SLC22A23: variants seen among roughly 807,000 people sequenced by gnomAD.
SLC22A23 encodes the protein solute carrier family 22 member 23.
Under a neutral mutation model 61.0 loss-of-function variants are expected in SLC22A23, and 26 were observed. The observed-to-expected ratio is 0.43, with a 90% confidence interval of 0.31 to 0.59. The LOEUF (loss-of-function observed/expected upper bound fraction) is 0.59, where lower values mean the gene tolerates loss of function less well. SLC22A23 is among the 20% of genes least tolerant of loss of function. The pLI is 0.11. For synonymous variants in SLC22A23, 430 were observed against 413.9 expected (o/e 1.04, Z -0.47); for missense variants, 796 against 934.7 (o/e 0.85, Z 1.94).
rs1046780091 is a variant in SLC22A23 at position 3,324,019 on chromosome 6, A to G, written c.914-17T>C. 6.2e-6 allele frequency: 10 copies of G among 1,611,476 alleles called. No individual in the cohort carries two copies. In the Admixed American group the frequency reaches 1.0e-4, roughly 16 times the overall value. ...GCTCTATTCCTAGAACACAGAACCA[A>G]TGAGAGAGAGATGAGTGCCCTGCTC... is the stretch of plus-strand genomic sequence containing the variant. On this transcript the variant is annotated splice_polypyrimidine_tract_variant and intron_variant, in intron 3 of 9. Coordinates refer to ENST00000406686, the MANE Select transcript of SLC22A23 (RefSeq NM_015482.2). This position sits in a 1 kb window ranked among gnomAD's most constrained non-coding sequence, Gnocchi z 4.3.
intron 9 of SLC22A23, 130 bp downstream of exon 9, chr6:3,283,722 A>G: frequency 6.7e-7 from 1 of 1,497,604 alleles, no homozygotes; most frequent in Non-Finnish European, 9.0e-7. Flanking sequence ...TCAGCTATGA[A>G]CCACGAAGCT....
At chr6:3,403,139 G>C (rs1318220837) in intron 3 of SLC22A23, among the ~76,000 whole-genome samples, 1 of 150,482 alleles carries the variant, frequency 6.6e-6, no homozygotes, top group East Asian at 1.9e-4. Context: ...CTTCCCACTA[G>C]ATACATTTGG....
At chr6:3,408,956 G>C (rs1769016035) in intron 3 of SLC22A23, among the ~76,000 whole-genome samples, 1 of 152,272 alleles carries the variant, frequency 6.6e-6, no homozygotes, top group Non-Finnish European at 1.5e-5. Flanking sequence ...CTCCAGAAAA[G>C]TGCTTAGACC....
At chr6:3,396,692 C>T (rs1187855342) in intron 3 of SLC22A23, among the ~76,000 whole-genome samples, 2 of 152,232 alleles carry the variant, frequency 1.3e-5, no homozygotes, top group African/African-American at 2.4e-5. Flanking sequence ...CACCGGCATG[C>T]ACCAGCAGGC....
At chr6:3,307,012 G>A (rs1762024287) in intron 4 of SLC22A23, among the ~76,000 whole-genome samples, 2 of 152,352 alleles carry the variant, frequency 1.3e-5, no homozygotes, top group South Asian at 4.1e-4. Flanking sequence ...CAGCAATGGA[G>A]GGGCACAAGG....
rs1279443993 is a variant in SLC22A23 at position 3,273,080 on chromosome 6, G to A, written c.2036C>T (p.Thr679Met). 10 of 1,576,902 alleles carry A rather than the reference G, an allele frequency of 6.3e-6. No individual in the cohort carries two copies. The highest frequency in any genetic ancestry group is 2.3e-5 in the South Asian group (2 of 88,526). The change falls in exon 10 of 10, where the codon ACG becomes ATG. Residue 679 changes from threonine (T) to methionine (M), a missense_variant. Thr to Met is a moderately conservative substitution (Grantham distance 81). Transcript: ENST00000406686. ...CTACATGGCCTTCATGCCGTTGGCC[G>A]TGGCACCCTCGGGCAGTGTGTCACC... is the stretch of plus-strand genomic sequence containing the variant. ...AAGDTLPEGA[T>M]ANGMKAM
At chr6:3,434,581 C>G (rs189448102) in intron 1 of SLC22A23, among the ~76,000 whole-genome samples, 114 of 151,938 alleles carry the variant, frequency 7.5e-4, no homozygotes, top group African/African-American at 2.6e-3. Context: ...TGCACTCCAG[C>G]CTGGGCAACA....
intron 4 of SLC22A23, among the ~76,000 whole-genome samples, chr6:3,323,029 T>C (rs1376311905): frequency 6.6e-6 from 1 of 150,522 alleles, no homozygotes; most frequent in Non-Finnish European, 1.5e-5. Flanking sequence ...TTTTCCAGTC[T>C]TGACTCAACA....
intron 3 of SLC22A23, among the ~76,000 whole-genome samples, chr6:3,376,325 G>A (rs1350853822): frequency 1.3e-5 from 2 of 152,004 alleles, no homozygotes; most frequent in African/African-American, 2.4e-5. Flanking sequence ...TCTATATCAC[G>A]GAGCAAAGCA....
At chr6:3,437,675 C>T (rs964643019) in intron 1 of SLC22A23, among the ~76,000 whole-genome samples, 9 of 150,454 alleles carry the variant, frequency 6.0e-5, no homozygotes, top group African/African-American at 1.2e-4. Context: ...GGTGACAGAG[C>T]GAGACTCCGT....
At chr6:3,285,266 G>A (rs1388934914) in intron 7 of SLC22A23, among the ~76,000 whole-genome samples, 155 bp from the exon 8 acceptor site, 3 of 152,258 alleles carry the variant, frequency 2.0e-5, no homozygotes, top group South Asian at 2.1e-4. Flanking sequence ...GCTGGCCGCC[G>A]GGGCAGTGGA....
At position 3,435,603 on chromosome 6, in the gene SLC22A23, G is replaced by A. The variant is rs1411821352; in HGVS notation, c.655-19748C>T. On this transcript the variant is annotated intron_variant, in intron 1 of 9. Transcript: ENST00000406686. Reference sequence around the variant, plus strand: ...TTACAACAGACAGACTGGACGGAAAGCCCACTTACTGCAGAAGTGACATGA... The same window carrying A: ...TTACAACAGACAGACTGGACGGAAAACCCACTTACTGCAGAAGTGACATGA... 3.3e-5 allele frequency among the ~76,000 whole-genome samples: 5 copies of A among 152,176 alleles called. No individual in the cohort carries two copies. The East Asian group carries it at 9.7e-4, about 30-fold the overall frequency.
At position 3,322,555 on chromosome 6, in the gene SLC22A23, G is replaced by A. The variant is rs1763018515; in HGVS notation, c.1082+1279C>T. 6.6e-6 allele frequency among the ~76,000 whole-genome samples: 1 copy of A among 152,190 alleles called. No homozygotes were observed. The highest frequency in any genetic ancestry group is 1.5e-5 in the Non-Finnish European group (1 of 68,030). ...AGGAGAGGAGCTCAGTTCGGGCAGC[G>A]GTGGCTGCTGAGTGGCCTCTCTGGC... is the stretch of plus-strand genomic sequence containing the variant. On this transcript the variant is annotated intron_variant, in intron 4 of 9. Coordinates refer to ENST00000406686, the MANE Select transcript of SLC22A23 (RefSeq NM_015482.2). This position sits in a 1 kb window ranked among gnomAD's most constrained non-coding sequence, Gnocchi z 4.1.
chr6:3,287,150 C>A, intron 6 of SLC22A23, 59 bp from the exon 7 acceptor site: 1 of 1,524,752 alleles, frequency 6.6e-7, no homozygotes, highest in South Asian at 1.2e-5. Context: ...GGCTGCGCTG[C>A]CTCCTGGGAG....
At chr6:3,300,200 G>T (rs1304947305) in intron 4 of SLC22A23, among the ~76,000 whole-genome samples, 1 of 151,822 alleles carries the variant, frequency 6.6e-6, no homozygotes, top group African/African-American at 2.4e-5. Context: ...TAGTACAGAT[G>T]GGGTTTCACC....
At chr6:3,334,941 C>T (rs745994675) in intron 3 of SLC22A23, among the ~76,000 whole-genome samples, 1 of 152,164 alleles carries the variant, frequency 6.6e-6, no homozygotes, top group Non-Finnish European at 1.5e-5. Context: ...AGGGGCTCTC[C>T]GGGCCTCTCA....
intron 3 of SLC22A23, among the ~76,000 whole-genome samples, chr6:3,325,904 G>T (rs753654779): frequency 6.6e-6 from 1 of 152,226 alleles, no homozygotes; most frequent in Non-Finnish European, 1.5e-5. Context: ...TGATGGCGTC[G>T]TATCAGTGGT....
At chr6:3,343,090 GA>G (rs1460385044) in intron 3 of SLC22A23, among the ~76,000 whole-genome samples, 2 of 152,182 alleles carry the variant, frequency 1.3e-5, no homozygotes, top group African/African-American at 2.4e-5. Context: ...CTTAAAGGGG[GA>G]TTTATGACAG....
chr6:3,431,082 A>AAAAAG (rs1770833168), intron 1 of SLC22A23, among the ~76,000 whole-genome samples: 1 of 138,072 alleles, frequency 7.2e-6, no homozygotes, highest in African/African-American at 2.7e-5. Flanking sequence ...AAAAAAAAAA[A>AAAAAG]AAAGAAAGAA....
Sources: allele counts gnomAD v4.1 joint callset (sites outside exome capture counted in the v4.1 genomes callset), GRCh38; gene constraint gnomAD v4.1.1; non-coding constraint Gnocchi (gnomAD v3.1); transcripts MANE v1.5; gene names NCBI Gene and HGNC (gene_info 2026-07-23, HGNC 2026-07-21).